CACNA1A: variants seen among roughly 807,000 people sequenced by gnomAD.
The protein encoded by CACNA1A is calcium voltage-gated channel subunit alpha1 A.
A neutral mutation model predicts 262.4 loss-of-function variants in CACNA1A; 57 were observed. That is an observed-to-expected ratio of 0.22 (90% CI 0.18 to 0.27). The LOEUF (loss-of-function observed/expected upper bound fraction) is 0.27, where lower values mean the gene tolerates loss of function less well. Among genes scored for constraint, CACNA1A ranks in the 10% least tolerant of loss-of-function variants. CACNA1A has a pLI of 1.00. For missense variants in CACNA1A, 2,526 were observed against 3,562.8 expected (o/e 0.71, Z 7.41); for synonymous variants, 1,431 against 1,419.3 (o/e 1.01, Z -0.18).
chr19:13,370,842 C>T (rs1362193266), intron 4 of CACNA1A: 1 of 152,012 alleles, frequency 6.6e-6, no homozygotes, highest in Non-Finnish European at 1.5e-5. Context: ...AAGTGATCCT[C>T]CCAAAGTGCT....
chr19:13,231,669 T>C, intron 35 of CACNA1A, 41 bp downstream of exon 35: 1 of 1,587,634 alleles, frequency 6.3e-7, no homozygotes, highest in South Asian at 1.1e-5. Context: ...GAAGCCAGGC[T>C]TAGGGAGCCC....
chr19:13,282,013 C>A (rs2057303933), intron 22 of CACNA1A, among the ~76,000 whole-genome samples: 1 of 152,252 alleles, frequency 6.6e-6, no homozygotes, highest in Non-Finnish European at 1.5e-5. Context: ...GACACCTCCT[C>A]CCCACGCCTG....
Position 13,339,027 on chromosome 19 carries a change from G to A in CACNA1A, c.979-3118C>T, listed in dbSNP as rs184228858. ...ATTACAGGCGCCCGCCACCATGCCT[G>A]GCTAATTTTTGTATTTTTAGTAGAG... is the stretch of plus-strand genomic sequence containing the variant. On this transcript the variant is annotated intron_variant, in intron 6 of 46. Transcript: ENST00000360228. 4.2e-4 allele frequency among the ~76,000 whole-genome samples: 64 copies of A among 152,108 alleles called. 1 individual carries two copies. The East Asian group carries it at 0.012, about 28-fold the overall frequency.
rs2074879 is a variant in CACNA1A at position 13,261,775 on chromosome 19, C to T, written c.4090-165G>A. 0.35 allele frequency: 223,934 copies of T among 633,866 alleles called. 40,778 individuals are homozygous for T. The highest frequency in any genetic ancestry group is 0.38 in the Non-Finnish European group (139,266 of 366,000). The allele number at this position is 633,866 out of a possible 1,614,324, so 39.3% of individuals were successfully genotyped here. The stretch of plus-strand genomic sequence containing the variant: ...GGTCCCCCCAGCTTTCAGAAATAAG[C>T]GTTGGAGGAGTTGGACTCAATCCTG... On this transcript the variant is annotated intron_variant, in intron 25 of 46. Coordinates refer to ENST00000360228, the MANE Select transcript of CACNA1A (RefSeq NM_001127222.2).
At chr19:13,324,519 G>A (rs10402096) in intron 10 of CACNA1A, among the ~76,000 whole-genome samples, 37,224 of 152,036 alleles carry the variant, frequency 0.24, 5,750 homozygotes, top group African/African-American at 0.45. Flanking sequence ...ATTCTATGAT[G>A]TATACATAGA....
intron 12 of CACNA1A, among the ~76,000 whole-genome samples, chr19:13,310,163 A>G (rs1285259150): frequency 6.6e-6 from 1 of 152,026 alleles, no homozygotes. Context: ...TCCTTAAAAA[A>G]TACAGTTTAA....
chr19:13,400,906 C>T (rs2059889649), intron 3 of CACNA1A, among the ~76,000 whole-genome samples: 1 of 152,164 alleles, frequency 6.6e-6, no homozygotes, highest in Non-Finnish European at 1.5e-5. Flanking sequence ...CTCACTGCAA[C>T]CTCCACCTCC....
At chr19:13,230,239 T>C in intron 35 of CACNA1A, 30 bp from the exon 36 acceptor site, 1 of 1,612,320 alleles carries the variant, frequency 6.2e-7, no homozygotes. Flanking sequence ...CAAGAGAGAA[T>C]GGGGGCAGAG....
chr19:13,260,293 T>C (rs1270623707), intron 26 of CACNA1A: 1 of 147,944 alleles, frequency 6.8e-6, no homozygotes, highest in Non-Finnish European at 1.5e-5. Context: ...TATGTGTGTG[T>C]GCGTGTACAT....
chr19:13,413,805 C>T (rs2060162922), intron 3 of CACNA1A, among the ~76,000 whole-genome samples: 2 of 150,300 alleles, frequency 1.3e-5, no homozygotes, highest in African/African-American at 4.9e-5. Flanking sequence ...TGCTTGAACC[C>T]AGGAGGTGGA....
chr19:13,320,216 CA>C (rs1366349993), intron 10 of CACNA1A, among the ~76,000 whole-genome samples: 11 of 138,646 alleles, frequency 7.9e-5, no homozygotes, highest in Admixed American at 3.0e-4. Context: ...CCTTGGGGGA[CA>C]GGGGGGATGT....
intron 24 of CACNA1A, among the ~76,000 whole-genome samples, chr19:13,263,732 G>A (rs1286282561): frequency 6.6e-6 from 1 of 151,984 alleles, no homozygotes; most frequent in Non-Finnish European, 1.5e-5. Flanking sequence ...TGTTGGCCAG[G>A]CTGGTCTTGA....
intron 19 of CACNA1A, among the ~76,000 whole-genome samples, chr19:13,288,534 T>C (rs2057459533): frequency 6.6e-6 from 1 of 151,926 alleles, no homozygotes; most frequent in African/African-American, 2.4e-5. Flanking sequence ...AAGTGCTGGA[T>C]ATATAGAGCC....
At chr19:13,499,502 G>A (rs1033149217) in intron 1 of CACNA1A, among the ~76,000 whole-genome samples, 8 of 150,340 alleles carry the variant, frequency 5.3e-5, no homozygotes, top group African/African-American at 1.5e-4. Context: ...TTTTCTGGCC[G>A]GTTTCCAAAA....
chr19:13,294,402 C>T (rs1210139329), intron 19 of CACNA1A, among the ~76,000 whole-genome samples: 1 of 151,204 alleles, frequency 6.6e-6, no homozygotes, highest in Non-Finnish European at 1.5e-5. Context: ...AATGCTCAGG[C>T]TGGTCTCGAA....
chr19:13,490,692 G>GAAAGAAAGAAAGAAA (rs1980678235), intron 1 of CACNA1A, among the ~76,000 whole-genome samples: 33 of 132,698 alleles, frequency 2.5e-4, no homozygotes, highest in African/African-American at 9.2e-4. Flanking sequence ...GAGAAAGAAA[G>GAAAGAAAGAAAGAAA]GAAAGAAAGA....
rs199642802 is a variant in CACNA1A, at chr19:13,413,907, G to GAAAAGAAAAGA, written c.539+38968_539+38969insTCTTTTCTTTT. On this transcript the variant is annotated intron_variant, in intron 3 of 46. Coordinates refer to ENST00000360228, the MANE Select transcript of CACNA1A (RefSeq NM_001127222.2). ...AAAGAAAGAAAGAAAAAGAAAGAAA[G>GAAAAGAAAAGA]AAAGAAAGAAAGAAAGAAAGAAAGA... Among the ~76,000 whole-genome samples, 44 of 83,132 alleles carry GAAAAGAAAAGA rather than the reference G, an allele frequency of 5.3e-4. 1 individual carries two copies. The highest frequency in any genetic ancestry group is 2.0e-3 in the East Asian group (6 of 3,052). The allele number at this position is 83,132 out of a possible 152,430, so 54.5% of individuals were successfully genotyped here. A position where few individuals can be genotyped will look rare whatever the true frequency, so the allele number is the denominator to read the frequency against.
In CACNA1A at chr19:13,214,235, G is replaced by C. The variant is rs200226402; in HGVS notation, c.5938C>G (p.Gln1980Glu). The C allele has an allele frequency of 3.1e-6, 5 of 1,607,268 alleles. No individual in the cohort carries two copies. In the Admixed American group the frequency reaches 6.7e-5, roughly 22 times the overall value. Residue 1980 changes from glutamine (Q) to glutamate (E), a missense_variant and splice_region_variant, in exon 40 of 47, where the codon CAG (glutamine) becomes GAG (glutamate). By Grantham distance (29) the Gln-to-Glu change is conservative. Coordinates refer to ENST00000360228, the MANE Select transcript of CACNA1A (RefSeq NM_001127222.2). The surrounding 1 kb of genome is among the most constrained non-coding windows in gnomAD (Gnocchi z 4.1). The part of the protein sequence containing the change: ...AKKLQAMREE[Q>E]DRTPLMFQRM... The stretch of plus-strand genomic sequence containing the variant: ...CCCCAGAGCGGCGAACAGCGCACCT[G>C]CTCCTCGCGCATGGCCTGCAGCTTC...
intron 38 of CACNA1A, among the ~76,000 whole-genome samples, chr19:13,217,785 G>A (rs2055068990): frequency 6.6e-6 from 1 of 152,162 alleles, no homozygotes; most frequent in Non-Finnish European, 1.5e-5. Flanking sequence ...GTAGGCTAGT[G>A]TTGTCCAAAC....
Sources: allele counts gnomAD v4.1 joint callset (sites outside exome capture counted in the v4.1 genomes callset), GRCh38; gene constraint gnomAD v4.1.1; non-coding constraint Gnocchi (gnomAD v3.1); transcripts MANE v1.5; gene names NCBI Gene and HGNC (gene_info 2026-07-23, HGNC 2026-07-21).